The following PCDHA9 variants were observed in gnomAD, a reference collection of about 807,000 sequenced individuals.
PCDHA9 encodes protocadherin alpha-9.
PCDHA9 carries 62 observed loss-of-function variants against 62.0 expected under a neutral mutation model. The ratio of observed to expected loss-of-function variants is 1.00; its 90% confidence interval spans 0.81 to 1.23. The LOEUF is 1.23. Among genes scored for constraint, PCDHA9 ranks in the 50% most tolerant of loss-of-function variants. PCDHA9 has a pLI of 0.00. For missense variants in PCDHA9, 1,205 were observed against 1,249.8 expected (o/e 0.96, Z 0.54); for synonymous variants, 557 against 567.6 (o/e 0.98, Z 0.27).
chr5:140,869,739 A>G lies in PCDHA9; in HGVS notation c.2394+18850A>G, dbSNP rs541641507. 5 of 1,613,386 alleles carry G rather than the reference A, an allele frequency of 3.1e-6. No individual in the cohort carries two copies. In the South Asian group the frequency reaches 5.5e-5, roughly 18 times the overall value. Reference sequence around the variant, plus strand: ...AAACTCCGGAACTTAATTTGCTGCTAACAGCTACAGACGGGGGAAAACCAG... The same window carrying G: ...AAACTCCGGAACTTAATTTGCTGCTGACAGCTACAGACGGGGGAAAACCAG... On this transcript the variant is annotated intron_variant, in intron 1 of 3. Transcript: ENST00000532602.
rs1269379462 is a variant in PCDHA9, at chr5:141,005,696, C to T, written c.2543-3931C>T. 3.0e-4 allele frequency among the ~76,000 whole-genome samples: 31 copies of T among 105,030 alleles called. No individual in the cohort carries two copies. In the East Asian group the frequency reaches 8.2e-3, roughly 28 times the overall value. 68.9% of individuals were successfully genotyped at this position (105,030 alleles called of 152,430 possible). ...CAGCCTGGGCGACAGAGCGAAACTC[C>T]GTCTCAAAAAAAAAAAAAAAAAAAA... is the stretch of plus-strand genomic sequence containing the variant. On this transcript the variant is annotated intron_variant, in intron 3 of 3. Transcript: ENST00000532602.
chr5:140,981,350 G>T (rs2096928266), intron 2 of PCDHA9, among the ~76,000 whole-genome samples: 1 of 152,168 alleles, frequency 6.6e-6, no homozygotes. Flanking sequence ...GAGGCAGGTG[G>T]ATCACTTGAG....
At position 140,909,620 on chromosome 5, in the gene PCDHA9, A is replaced by G. The variant is rs576090849; in HGVS notation, c.2394+58731A>G. On this transcript the variant is annotated intron_variant, in intron 1 of 3. Transcript: ENST00000532602. Reference sequence around the variant, plus strand: ...ATTTTTCTAGGTAGAGGCAGCTCTAATTGGTCTTCCTATTTTGTCTTTTCC... The same window carrying G: ...ATTTTTCTAGGTAGAGGCAGCTCTAGTTGGTCTTCCTATTTTGTCTTTTCC... Among the ~76,000 whole-genome samples the G allele has an allele frequency of 3.8e-4, 58 of 152,240 alleles. 2 individuals carry two copies. The Middle Eastern group carries it at 0.01, about 27-fold the overall frequency.
At chr5:140,960,299 A>G (rs246005) in intron 1 of PCDHA9, among the ~76,000 whole-genome samples, 1 of 151,808 alleles carries the variant, frequency 6.6e-6, no homozygotes. Flanking sequence ...TTTCTTCATC[A>G]ATACCAACCT....
At chr5:140,877,041 A>G (rs782570873) in intron 1 of PCDHA9, 15 of 1,612,586 alleles carry the variant, frequency 9.3e-6, no homozygotes, top group African/African-American at 4.0e-5. Context: ...TGCAGCCGCT[A>G]GACCACGAGG....
At chr5:140,896,501 T>G (rs1279439158) in intron 1 of PCDHA9, among the ~76,000 whole-genome samples, 4 of 152,048 alleles carry the variant, frequency 2.6e-5, no homozygotes, top group Non-Finnish European at 4.4e-5. Flanking sequence ...TAGCTGGGAC[T>G]GTGCAGGCAC....
At chr5:140,982,207 C>T (rs868956427) in intron 2 of PCDHA9, 8 of 429,564 alleles carry the variant, frequency 1.9e-5, no homozygotes, top group East Asian at 1.5e-4. Flanking sequence ...ATTTAGTGAG[C>T]GCCACATGGC....
chr5:141,009,258 C>A (rs1311772308), intron 3 of PCDHA9, among the ~76,000 whole-genome samples: 1 of 152,086 alleles, frequency 6.6e-6, no homozygotes, highest in Admixed American at 6.6e-5. Flanking sequence ...TGTTTGAGAC[C>A]AGCCTGGGCA....
intron 1 of PCDHA9, among the ~76,000 whole-genome samples, chr5:140,960,097 T>C (rs2095526762): frequency 6.6e-6 from 1 of 152,232 alleles, no homozygotes. Context: ...AAGAAACTTG[T>C]AGTTGTGGGA....
rs782703183 is a variant in PCDHA9 at position 140,882,765 on chromosome 5, C to A, written c.2394+31876C>A. On this transcript the variant is annotated intron_variant, in intron 1 of 3. Transcript: ENST00000532602. ...TCCGATGCAGATATTGGAGTAAACT[C>A]GGCATTGACCTACCGACTGGATCCC... 1.5e-5 allele frequency: 25 copies of A among 1,614,104 alleles called. No individual in the cohort carries two copies. In the South Asian group the frequency reaches 2.7e-4, roughly 18 times the overall value.
chr5:141,005,118 C>T (rs546410334), intron 3 of PCDHA9, among the ~76,000 whole-genome samples: 1 of 152,198 alleles, frequency 6.6e-6, no homozygotes, highest in South Asian at 2.1e-4. Flanking sequence ...CTTTAGGGAC[C>T]CCAAAAGTGC....
chr5:140,862,863 G>A (rs782640328), intron 1 of PCDHA9: 1 of 507,610 alleles, frequency 2.0e-6, no homozygotes, highest in South Asian at 1.4e-5. Flanking sequence ...GCAATGTGAC[G>A]CTGCCAGGTA....
At chr5:140,881,425 G>A (rs2058709101) in intron 1 of PCDHA9, 2 of 901,294 alleles carry the variant, frequency 2.2e-6, no homozygotes, top group Non-Finnish European at 1.3e-6. Flanking sequence ...TTAGTTCCAG[G>A]CATATTTTAT....
intron 1 of PCDHA9, among the ~76,000 whole-genome samples, chr5:140,893,780 C>T (rs966071281): frequency 4.6e-5 from 7 of 151,980 alleles, no homozygotes; most frequent in Admixed American, 6.6e-5. Context: ...TTTCTTTTAC[C>T]GTTTTTAGAA....
rs782401003 is a variant in PCDHA9, at chr5:140,858,196, C to T, written c.2394+7307C>T. 3 of 1,597,174 alleles carry T rather than the reference C, an allele frequency of 1.9e-6. No individual in the cohort carries two copies. The East Asian group carries it at 6.7e-5, about 36-fold the overall frequency. On this transcript the variant is annotated intron_variant, in intron 1 of 3. Coordinates refer to ENST00000532602, the MANE Select transcript of PCDHA9 (RefSeq NM_031857.2). ...TGCTGGTGCTCACGCTGCTGCTGTA[C>T]ACTGCACTGAGGTGCTCGGCGGCGC...
intron 1 of PCDHA9, chr5:140,968,146 T>C: frequency 6.2e-7 from 1 of 1,614,140 alleles, no homozygotes. Flanking sequence ...TTGAGATCTC[T>C]GACATCAATG....
intron 1 of PCDHA9, among the ~76,000 whole-genome samples, chr5:140,974,864 C>T (rs949061887): frequency 6.6e-6 from 1 of 152,124 alleles, no homozygotes; most frequent in Non-Finnish European, 1.5e-5. Flanking sequence ...TGCCTTAATG[C>T]GGAACAGTCT....
intron 1 of PCDHA9, among the ~76,000 whole-genome samples, chr5:140,891,205 A>G (rs561238636): frequency 3.3e-5 from 5 of 152,120 alleles, no homozygotes; most frequent in African/African-American, 1.2e-4. Context: ...CAGTTTTACC[A>G]TGCTGTGTCT....
At chr5:140,926,340 C>G (rs2083154977) in intron 1 of PCDHA9, 1 of 152,400 alleles carries the variant, frequency 6.6e-6, no homozygotes, top group Non-Finnish European at 1.5e-5. Flanking sequence ...GCGCCGGGAC[C>G]CGACGCGCGG....
Sources: gnomAD v4.1 joint callset for allele counts (sites outside exome capture counted in the v4.1 genomes callset) on GRCh38, gnomAD v4.1.1 for gene constraint, MANE v1.5 for transcripts, NCBI Gene and HGNC (gene_info 2026-07-23, HGNC 2026-07-21) for gene names.